Variants in TXNL1 observed in about 807,000 individuals in gnomAD.
The protein encoded by TXNL1 is thioredoxin-like protein 1.
Under a neutral mutation model 35.5 loss-of-function variants are expected in TXNL1, and 14 were observed. The observed-to-expected ratio is 0.39, with a 90% CI of 0.26 to 0.62. TXNL1 has a LOEUF of 0.62. TXNL1 is among the 20% of genes least tolerant of loss of function. The pLI is 0.47. For synonymous variants in TXNL1, 110 were observed against 115.5 expected (o/e 0.95, Z 0.31); for missense variants, 263 against 349.7 (o/e 0.75, Z 1.98).
At chr18:56,618,201 GA>G in intron 3 of TXNL1, 75 bp from the exon 4 acceptor site, 1 of 1,475,144 alleles carries the variant, frequency 6.8e-7, no homozygotes, top group Non-Finnish European at 9.2e-7. Flanking sequence ...TTAAATCTCT[GA>G]TTCTCTTTAG....
At chr18:56,613,692 C>T (rs554745310) in intron 6 of TXNL1, among the ~76,000 whole-genome samples, 9 of 152,070 alleles carry the variant, frequency 5.9e-5, no homozygotes, top group East Asian at 1.9e-4. Context: ...CACGTGCCTG[C>T]GGTTGCAACT....
At chr18:56,613,715 G>A (rs2024034335) in intron 6 of TXNL1, among the ~76,000 whole-genome samples, 1 of 152,176 alleles carries the variant, frequency 6.6e-6, no homozygotes, top group African/African-American at 2.4e-5. Flanking sequence ...TCTGGAGGCT[G>A]AGGGAGAATC....
chr18:56,629,199 A>C (rs975195303), intron 1 of TXNL1, among the ~76,000 whole-genome samples: 1 of 152,236 alleles, frequency 6.6e-6, no homozygotes, highest in African/African-American at 2.4e-5. Flanking sequence ...TTAGAAAACA[A>C]CTTAAATGGC....
Position 56,601,356 on chromosome 18 carries a change from G to T in TXNL1, c.*1671C>A, listed in dbSNP as rs1598908392. 6.6e-6 allele frequency: 1 copy of T among 152,078 alleles called. No individual in the cohort carries two copies. Among genetic ancestry groups the T allele is most frequent in the Non-Finnish European group, 1.5e-5 (1 of 68,002 alleles). 9.4% of individuals were successfully genotyped at this position (152,078 alleles called of 1,614,324 possible). On this transcript the variant is annotated 3_prime_UTR_variant, in exon 8 of 8. Coordinates refer to ENST00000217515, the MANE Select transcript of TXNL1 (RefSeq NM_004786.3). ...CTGATGTCCAATCCTTTACAAATAC[G>T]AAATTTGTTTCACTGGGTTTTCAAA...
chr18:56,615,368 T>C (rs2024067035), intron 5 of TXNL1, among the ~76,000 whole-genome samples: 2 of 133,660 alleles, frequency 1.5e-5, no homozygotes, highest in Non-Finnish European at 3.1e-5. Flanking sequence ...AATAAGGCCT[T>C]GGTTATTTCT....
At position 56,610,839 on chromosome 18, in the gene TXNL1, G is replaced by A. The variant is rs1292698762; in HGVS notation, c.840+154C>T. 17 of 489,430 alleles carry A rather than the reference G, an allele frequency of 3.5e-5. No homozygotes were observed. The East Asian group carries it at 6.6e-4, about 19-fold the overall frequency. The allele number at this position is 489,430 out of a possible 1,614,324, so 30.3% of individuals were successfully genotyped here. The stretch of plus-strand genomic sequence containing the variant: ...TGGATATCTAAAAATATAGTTAGGG[G>A]AACTTTCTATCCTAGTTTAGCCTTG... On this transcript the variant is annotated intron_variant, in intron 7 of 7. Coordinates refer to ENST00000217515, the MANE Select transcript of TXNL1 (RefSeq NM_004786.3).
At chr18:56,616,635 C>T (rs2024091538) in intron 4 of TXNL1, among the ~76,000 whole-genome samples, 1 of 152,126 alleles carries the variant, frequency 6.6e-6, no homozygotes, top group South Asian at 2.1e-4. Flanking sequence ...ACAAAATTCT[C>T]AAAATAAAAT....
At position 56,638,493 on chromosome 18, in the gene TXNL1, A is replaced by T; in HGVS notation, c.-53T>A. On this transcript the variant is annotated 5_prime_UTR_variant, in exon 1 of 8. Coordinates refer to ENST00000217515, the MANE Select transcript of TXNL1 (RefSeq NM_004786.3). ...GCGACGCCACTGGCTTTGAAACTGA[A>T]GGAGAAGACGATCTGGGAGAGGAAG... The T allele has an allele frequency of 6.4e-7, 1 of 1,559,098 alleles. No individual in the cohort carries two copies. The highest frequency in any genetic ancestry group is 8.7e-7 in the Non-Finnish European group (1 of 1,143,142).
intron 3 of TXNL1, among the ~76,000 whole-genome samples, chr18:56,620,948 C>T (rs1444882690): frequency 6.6e-6 from 1 of 152,146 alleles, no homozygotes; most frequent in African/African-American, 2.4e-5. Flanking sequence ...AAAAGGGCTA[C>T]AGAGCAAAGT....
intron 3 of TXNL1, among the ~76,000 whole-genome samples, chr18:56,620,603 T>A (rs2024164383): frequency 6.6e-6 from 1 of 152,222 alleles, no homozygotes; most frequent in Admixed American, 6.5e-5. Context: ...GAGTTGATTT[T>A]GGTAAAAGTG....
chr18:56,624,463 T>G lies in TXNL1; in HGVS notation c.196-2A>C. ...TATATTGTTGGTGGCAGCTGTTCCC[T>G]AGAATTGGCAAGTTGGACAGTGTTA... On this transcript the variant is annotated splice_acceptor_variant, in intron 2 of 7. Coordinates refer to ENST00000217515, the MANE Select transcript of TXNL1 (RefSeq NM_004786.3). LOFTEE classifies it high-confidence loss of function. 1 of 1,608,710 alleles carries G rather than the reference T, an allele frequency of 6.2e-7. No individual in the cohort carries two copies. The highest frequency in any genetic ancestry group is 8.5e-7 in the Non-Finnish European group (1 of 1,176,328).
intron 6 of TXNL1, among the ~76,000 whole-genome samples, chr18:56,612,426 A>G (rs1428103050): frequency 6.6e-6 from 1 of 152,102 alleles, no homozygotes; most frequent in Non-Finnish European, 1.5e-5. Flanking sequence ...AACTCCCCTC[A>G]GCACGATAAA....
intron 1 of TXNL1, among the ~76,000 whole-genome samples, chr18:56,632,133 C>T (rs988981888): frequency 2.6e-5 from 4 of 152,128 alleles, no homozygotes; most frequent in Admixed American, 1.3e-4. Flanking sequence ...CTTTTTAATA[C>T]ACTTTTTACT....
chr18:56,628,483 T>G (rs183216776), intron 1 of TXNL1, among the ~76,000 whole-genome samples: 7 of 152,252 alleles, frequency 4.6e-5, no homozygotes, highest in Admixed American at 1.3e-4. Context: ...TACAATGAAA[T>G]ACTACACAAT....
rs769574077 is a variant in TXNL1 at position 56,618,151 on chromosome 18, G to C, written c.370-25C>G. ...TCTGAAAAAAAATTGCAAGATTTTA[G>C]GCAACATATTTGGATTAGGTATAAA... On this transcript the variant is annotated intron_variant, in intron 3 of 7. Transcript: ENST00000217515. The C allele has an allele frequency of 3.1e-6, 5 of 1,606,830 alleles. No homozygotes were observed. The South Asian group carries it at 5.5e-5, about 18-fold the overall frequency.
Position 56,600,474 on chromosome 18 carries a change from G to T in TXNL1, c.*2553C>A, listed in dbSNP as rs1433512420. On this transcript the variant is annotated 3_prime_UTR_variant, in exon 8 of 8. Coordinates refer to ENST00000217515, the MANE Select transcript of TXNL1 (RefSeq NM_004786.3). ...GAGACTGGGGAACAATGTGGGGCAGGTTTCAACTCTAATTGTTACGTGGCT... is the reference window on the plus strand; with the variant it reads ...GAGACTGGGGAACAATGTGGGGCAGTTTTCAACTCTAATTGTTACGTGGCT... 2 of 150,722 alleles carry T rather than the reference G, an allele frequency of 1.3e-5. No individual in the cohort carries two copies. 9.3% of individuals were successfully genotyped at this position (150,722 alleles called of 1,614,324 possible).
chr18:56,631,725 G>A (rs1392922019), intron 1 of TXNL1, among the ~76,000 whole-genome samples: 1 of 152,116 alleles, frequency 6.6e-6, no homozygotes, highest in African/African-American at 2.4e-5. Flanking sequence ...TTCGAGACCA[G>A]CCTAACCAAC....
chr18:56,624,184 C>G, intron 3 of TXNL1, 104 bp downstream of exon 3: 1 of 1,268,978 alleles, frequency 7.9e-7, no homozygotes, highest in South Asian at 1.8e-5. Flanking sequence ...GTATTCTAAA[C>G]CAGTAAGAGA....
At position 56,626,419 on chromosome 18, in the gene TXNL1, G is replaced by A; in HGVS notation, c.137C>T (p.Ser46Phe). Reference protein sequence around the residue: ...PCLRIAPAFSSMSNKYPQAVF... With the variant: ...PCLRIAPAFSFMSNKYPQAVF... ...AGCCTGTGGATATTTATTACTCATA[G>A]AACTGAATGCTGGGGCAATCCTCAA... Residue 46 changes from serine to phenylalanine, a missense_variant, in exon 2 of 8, where the codon TCT becomes TTT. By Grantham distance (155) the Ser-to-Phe change is radical. Coordinates refer to ENST00000217515, the MANE Select transcript of TXNL1 (RefSeq NM_004786.3). The A allele has an allele frequency of 6.2e-7, 1 of 1,613,696 alleles. No individual in the cohort carries two copies. Among genetic ancestry groups the A allele is most frequent in the Middle Eastern group, 1.7e-4 (1 of 6,056 alleles).
Sources: allele counts gnomAD v4.1 joint callset (sites outside exome capture counted in the v4.1 genomes callset), GRCh38; gene constraint gnomAD v4.1.1; transcripts MANE v1.5; gene names NCBI Gene and HGNC (gene_info 2026-07-23, HGNC 2026-07-21).